The following RGS7 variants were observed in gnomAD, a reference collection of about 807,000 sequenced individuals.
RGS7 encodes the protein regulator of G-protein signaling 7.
RGS7 carries 27 observed loss-of-function variants against 81.1 expected under a neutral mutation model. The observed-to-expected ratio is 0.33, with a 90% CI of 0.25 to 0.46. The LOEUF (loss-of-function observed/expected upper bound fraction) is 0.46, where lower values mean the gene tolerates loss of function less well. Ranked by LOEUF, RGS7 falls within the 20% of genes least tolerant of loss-of-function variation. The probability of loss-of-function intolerance (pLI) is 1.00; values close to 1 mark genes in which losing one functional copy is unlikely to be tolerated. For missense variants in RGS7, 396 were observed against 607.4 expected, an observed-to-expected ratio of 0.65 and a Z score of 3.66; for synonymous variants, 208 against 207.7, an observed-to-expected ratio of 1.00 and a Z score of -0.01.
chr1:240,776,603 C>T (rs1237741155), intron 18 of RGS7, among the ~76,000 whole-genome samples: 1 of 152,184 alleles, frequency 6.6e-6, no homozygotes, highest in East Asian at 1.9e-4. Flanking sequence ...TAGTAAGCTG[C>T]TCTGAAAGAT....
At chr1:241,314,436 G>C (rs1002405342) in intron 2 of RGS7, among the ~76,000 whole-genome samples, 1 of 152,184 alleles carries the variant, frequency 6.6e-6, no homozygotes, top group East Asian at 1.9e-4. Context: ...GTTAAGGTAT[G>C]TACCTTGTTT....
chr1:240,782,826 A>G (rs886818510), intron 18 of RGS7, among the ~76,000 whole-genome samples: 10 of 152,214 alleles, frequency 6.6e-5, no homozygotes, highest in Non-Finnish European at 1.0e-4. Context: ...AATTGCTTAC[A>G]ATAATTCTAT....
At chr1:241,346,431 G>A (rs1352739655) in intron 2 of RGS7, among the ~76,000 whole-genome samples, 1 of 152,146 alleles carries the variant, frequency 6.6e-6, no homozygotes, top group Non-Finnish European at 1.5e-5. Flanking sequence ...ACTTGAATTC[G>A]AATGTCCTGT....
At chr1:241,192,093 T>TAACCTTTC in intron 2 of RGS7, among the ~76,000 whole-genome samples, 1 of 151,946 alleles carries the variant, frequency 6.6e-6, no homozygotes. Flanking sequence ...AATAGAAAGG[T>TAACCTTTC]TATTATCTAA....
intron 3 of RGS7, among the ~76,000 whole-genome samples, chr1:240,993,114 G>GGAGA (rs1686732117): frequency 1.6e-5 from 1 of 62,018 alleles, no homozygotes; most frequent in Non-Finnish European, 3.8e-5. Flanking sequence ...AGGGAGGGAG[G>GGAGA]GAAGGAAGGA....
chr1:240,790,053 T>C (rs1685721762), intron 18 of RGS7, among the ~76,000 whole-genome samples: 1 of 152,040 alleles, frequency 6.6e-6, no homozygotes, highest in Non-Finnish European at 1.5e-5. Context: ...TTAGGGAAAA[T>C]AGAAAAGAAC....
At chr1:240,895,029 G>C (rs1238225496) in intron 6 of RGS7, among the ~76,000 whole-genome samples, 1 of 152,130 alleles carries the variant, frequency 6.6e-6, no homozygotes, top group African/African-American at 2.4e-5. Flanking sequence ...GTCATGGCTT[G>C]GGGCTGTCCC....
chr1:241,042,129 G>T (rs116779606), intron 3 of RGS7, among the ~76,000 whole-genome samples: 1 of 152,262 alleles, frequency 6.6e-6, no homozygotes, highest in South Asian at 2.1e-4. Context: ...TAATGGCTGC[G>T]ATTCCTTCCA....
intron 7 of RGS7, among the ~76,000 whole-genome samples, chr1:240,869,465 G>C (rs1479267702): frequency 6.6e-6 from 1 of 152,190 alleles, no homozygotes; most frequent in African/African-American, 2.4e-5. Context: ...CACTATGTAG[G>C]ATGTATCTGA....
At position 240,915,455 on chromosome 1, in the gene RGS7, C is replaced by T. The variant is rs143076531; in HGVS notation, c.385+15262G>A. Among the ~76,000 whole-genome samples, 180 of 152,152 alleles carry T rather than the reference C, an allele frequency of 1.2e-3. 1 individual carries two copies. Among genetic ancestry groups the T allele is most frequent in the African/African-American group, 4.1e-3 (169 of 41,488 alleles). ...GGGCTCCTGTATAATAACAGATGAA[C>T]GCAACGGAAAGAACTGTATGACCCA... On this transcript the variant is annotated intron_variant, in intron 6 of 18. Transcript: ENST00000440928.
chr1:241,228,599 T>A (rs1052949198), intron 2 of RGS7, among the ~76,000 whole-genome samples: 9 of 152,254 alleles, frequency 5.9e-5, no homozygotes, highest in East Asian at 5.8e-4. Context: ...TAAAAGTACA[T>A]GTGAGGACAC....
At chr1:240,806,550 AT>A (rs1474190786) in intron 14 of RGS7, among the ~76,000 whole-genome samples, 1 of 148,534 alleles carries the variant, frequency 6.7e-6, no homozygotes, top group Admixed American at 6.7e-5. Flanking sequence ...ATTAATAAAA[AT>A]ATTTTAAAAA....
At chr1:241,302,243 G>C (rs924143436) in intron 2 of RGS7, among the ~76,000 whole-genome samples, 1 of 152,156 alleles carries the variant, frequency 6.6e-6, no homozygotes, top group Non-Finnish European at 1.5e-5. Flanking sequence ...TCAGCTGCAG[G>C]CATCTTAAAA....
At chr1:240,933,367 C>A (rs1471259876) in intron 5 of RGS7, among the ~76,000 whole-genome samples, 1 of 151,980 alleles carries the variant, frequency 6.6e-6, no homozygotes, top group African/African-American at 2.4e-5. Context: ...AAAAAATATT[C>A]TCAACTGCAT....
At chr1:241,318,047 G>A (rs1054370535) in intron 2 of RGS7, among the ~76,000 whole-genome samples, 1 of 152,130 alleles carries the variant, frequency 6.6e-6, no homozygotes, top group Non-Finnish European at 1.5e-5. Context: ...CAACTGAGAG[G>A]CTGAGCATAA....
At chr1:240,986,435 C>G (rs1408841290) in intron 3 of RGS7, among the ~76,000 whole-genome samples, 1 of 152,056 alleles carries the variant, frequency 6.6e-6, no homozygotes, top group East Asian at 1.9e-4. Flanking sequence ...GCCTGTTGTG[C>G]CCACCCCTCA....
chr1:240,817,409 C>G (rs1690993287), intron 10 of RGS7, among the ~76,000 whole-genome samples: 1 of 152,096 alleles, frequency 6.6e-6, no homozygotes, highest in African/African-American at 2.4e-5. Flanking sequence ...GATCCAGATG[C>G]CTAATGATGC....
chr1:241,188,599 G>A (rs749967082), intron 2 of RGS7, among the ~76,000 whole-genome samples: 12 of 151,866 alleles, frequency 7.9e-5, no homozygotes, highest in South Asian at 2.1e-4. Context: ...ATCCTCAGAC[G>A]TTTTACTACA....
At chr1:241,201,233 G>A (rs1463613036) in intron 2 of RGS7, among the ~76,000 whole-genome samples, 1 of 152,168 alleles carries the variant, frequency 6.6e-6, no homozygotes, top group Non-Finnish European at 1.5e-5. Context: ...GATTTCAAGA[G>A]TTTCCTGACT....
Sources: allele counts gnomAD v4.1 joint callset (sites outside exome capture counted in the v4.1 genomes callset), GRCh38; gene constraint gnomAD v4.1.1; transcripts MANE v1.5; gene names NCBI Gene and HGNC (gene_info 2026-07-23, HGNC 2026-07-21).